The following NF1 variants were observed in gnomAD, a reference collection of about 807,000 sequenced individuals.
NF1 encodes neurofibromin 1, also known as neurofibromin.
In NF1, 122 loss-of-function variants were observed where a neutral mutation model predicts 325.7. That is an observed-to-expected ratio of 0.37 (90% CI 0.32 to 0.44). The LOEUF (loss-of-function observed/expected upper bound fraction) is 0.44. Among genes scored for constraint, NF1 ranks in the 20% least tolerant of loss-of-function variants. NF1 has a pLI of 1.00. For missense variants in NF1, 2,140 were observed against 3,415.4 expected (o/e 0.63, Z 9.31); for synonymous variants, 1,091 against 1,186.0 (o/e 0.92, Z 1.65).
At chr17:31,365,278 C>A (rs1436164888) in intron 57 of NF1, among the ~76,000 whole-genome samples, 32 of 101,062 alleles carry the variant, frequency 3.2e-4, no homozygotes, top group African/African-American at 7.7e-4. Context: ...GAACCTATCT[C>A]AAAAAAAAAA....
At chr17:31,246,125 T>A (rs1163422040) in intron 29 of NF1, among the ~76,000 whole-genome samples, 1 of 152,252 alleles carries the variant, frequency 6.6e-6, no homozygotes, top group Admixed American at 6.5e-5. Context: ...ATACCTGGTC[T>A]ATATGTCTTT....
chr17:31,191,595 G>C (rs576197401), intron 8 of NF1, among the ~76,000 whole-genome samples: 2 of 152,330 alleles, frequency 1.3e-5, no homozygotes, highest in South Asian at 4.1e-4. Flanking sequence ...GCAGATCAGT[G>C]GATGCCAGGA....
chr17:31,202,819 T>C lies in NF1; in HGVS notation c.1260+1334T>C, dbSNP rs189252413. 2.6e-3 allele frequency among the ~76,000 whole-genome samples: 402 copies of C among 152,290 alleles called. 4 individuals carry two copies. Among genetic ancestry groups the C allele is most frequent in the African/African-American group, 9.1e-3 (379 of 41,556 alleles). On this transcript the variant is annotated intron_variant, in intron 11 of 57. Coordinates refer to ENST00000358273, the MANE Select transcript of NF1 (RefSeq NM_001042492.3). ...AAAAACTTAAAAAAAATCACTGTAC[T>C]TTTGTCAGCGTAATGAGCCAGGGCA...
intron 57 of NF1, chr17:31,367,131 CATT>C (rs2070539602): frequency 4.8e-6 from 3 of 631,528 alleles, no homozygotes; most frequent in Non-Finnish European, 7.2e-6. Flanking sequence ...AACCAAGGAA[CATT>C]ATAATTATCT....
At chr17:31,230,957 G>A (rs1448603577) in intron 24 of NF1, 32 bp downstream of exon 24, 1 of 1,520,216 alleles carries the variant, frequency 6.6e-7, no homozygotes, top group Admixed American at 1.7e-5. Flanking sequence ...AGTATTAGTG[G>A]GTTTTACTGT....
At chr17:31,315,396 T>C (rs1477121453) in intron 36 of NF1, among the ~76,000 whole-genome samples, 1 of 152,162 alleles carries the variant, frequency 6.6e-6, no homozygotes, top group Non-Finnish European at 1.5e-5. Context: ...TTAAAATAAC[T>C]AAAAGTGTAA....
chr17:31,110,312 A>G (rs573377630), intron 1 of NF1, among the ~76,000 whole-genome samples: 12 of 152,362 alleles, frequency 7.9e-5, no homozygotes, highest in African/African-American at 2.6e-4. Flanking sequence ...AATTCCAGAA[A>G]TAGAAGAGAT....
In NF1 at chr17:31,376,990, G is replaced by A. The variant is rs1195848804; in HGVS notation, c.*2835G>A. 8.6e-6 allele frequency: 2 copies of A among 233,262 alleles called. No individual in the cohort carries two copies. The highest frequency in any genetic ancestry group is 1.7e-5 in the Non-Finnish European group (2 of 118,098). The allele number at this position is 233,262 out of a possible 1,614,324, so 14.4% of individuals were successfully genotyped here. ...TTCTATCCTGTGTCCTAGTTGGGGAGACAGAGTGCCAGCCAGCAACCCTCC... is the reference window on the plus strand; with the variant it reads ...TTCTATCCTGTGTCCTAGTTGGGGAAACAGAGTGCCAGCCAGCAACCCTCC... On this transcript the variant is annotated 3_prime_UTR_variant, in exon 58 of 58. Transcript: ENST00000358273.
chr17:31,343,409 G>A (rs2069880168), intron 48 of NF1, among the ~76,000 whole-genome samples: 1 of 152,028 alleles, frequency 6.6e-6, no homozygotes, highest in Non-Finnish European at 1.5e-5. Context: ...GCCAGGCATG[G>A]TGGCACGTGC....
rs398100472 is a variant in NF1, at chr17:31,336,596, G to GTT, written c.6148-29_6148-28dup. Reference sequence around the variant, plus strand: ...TTTGTGCTAAAACTTTGAGTCCCATGTTTTTTTTTTTAAAAAAAAAAATCC... The same window carrying GTT: ...TTTGTGCTAAAACTTTGAGTCCCATGTTTTTTTTTTTTTAAAAAAAAAAATCC... On this transcript the variant is annotated intron_variant, in intron 41 of 57. Coordinates refer to ENST00000358273, the MANE Select transcript of NF1 (RefSeq NM_001042492.3). This position sits in a 1 kb window ranked among gnomAD's most constrained non-coding sequence, Gnocchi z 5.5. 6.4e-5 allele frequency: 76 copies of GTT among 1,178,866 alleles called. No individual in the cohort carries two copies. In the African/African-American group the frequency reaches 1.0e-3, roughly 16 times the overall value. 73.0% of individuals were successfully genotyped at this position (1,178,866 alleles called of 1,614,324 possible).
intron 56 of NF1, chr17:31,360,274 C>T (rs2151587228): frequency 1.7e-6 from 1 of 571,740 alleles, no homozygotes; most frequent in East Asian, 3.0e-5. Context: ...TCAGAAAATG[C>T]AGGTTCATCT....
At chr17:31,171,360 C>A (rs1314594171) in intron 5 of NF1, among the ~76,000 whole-genome samples, 1 of 152,154 alleles carries the variant, frequency 6.6e-6, no homozygotes, top group African/African-American at 2.4e-5. Flanking sequence ...AAGCGTTGAG[C>A]AGTTGAGAAA....
rs186483709 is a variant in NF1 at position 31,296,465 on chromosome 17, A to G, written c.4836-29355A>G. On this transcript the variant is annotated intron_variant, in intron 36 of 57. Transcript: ENST00000358273. The stretch of plus-strand genomic sequence containing the variant: ...TGTCGAGTCCTTTTATAATTGTTCC[A>G]GTGATTAAACTAACAAAGCTCCCCT... 62 of 865,708 alleles carry G rather than the reference A, an allele frequency of 7.2e-5. No homozygotes were observed. In the East Asian group the frequency reaches 1.3e-3, roughly 18 times the overall value. 53.6% of individuals were successfully genotyped at this position (865,708 alleles called of 1,614,324 possible).
intron 48 of NF1, among the ~76,000 whole-genome samples, chr17:31,347,900 T>C (rs1312392090): frequency 1.3e-5 from 2 of 151,716 alleles, no homozygotes; most frequent in Non-Finnish European, 2.9e-5. Context: ...AGTGGAAATA[T>C]AGATCAGTCT....
At chr17:31,302,015 C>T (rs2068582976) in intron 36 of NF1, among the ~76,000 whole-genome samples, 1 of 152,130 alleles carries the variant, frequency 6.6e-6, no homozygotes, top group South Asian at 2.1e-4. Flanking sequence ...GTTTGTATCT[C>T]TTCCTGCTGA....
intron 15 of NF1, 69 bp downstream of exon 15, chr17:31,221,998 A>T (rs767159641): frequency 1.3e-6 from 2 of 1,484,612 alleles, no homozygotes; most frequent in Admixed American, 4.2e-5. Flanking sequence ...TGAAATATTA[A>T]CTCTGTAGTA....
intron 2 of NF1, among the ~76,000 whole-genome samples, chr17:31,158,559 C>G (rs1489717387): frequency 6.6e-6 from 1 of 152,102 alleles, no homozygotes; most frequent in Admixed American, 6.6e-5. Flanking sequence ...AAACCATAGT[C>G]TCTTGTTAAT....
chr17:31,152,610 C>T (rs1917025915), intron 1 of NF1, among the ~76,000 whole-genome samples: 1 of 149,420 alleles, frequency 6.7e-6, no homozygotes, highest in African/African-American at 2.5e-5. Context: ...TCTTATGTAT[C>T]TTCTGGTTAG....
At chr17:31,299,907 GT>G (rs2068540403) in intron 36 of NF1, among the ~76,000 whole-genome samples, 1 of 151,780 alleles carries the variant, frequency 6.6e-6, no homozygotes, top group Non-Finnish European at 1.5e-5. Context: ...GATTTAATTT[GT>G]TCTTCTGTCC....
Sources: gnomAD v4.1 joint callset for allele counts (sites outside exome capture counted in the v4.1 genomes callset) on GRCh38, gnomAD v4.1.1 for gene constraint, Gnocchi (gnomAD v3.1) non-coding constraint, MANE v1.5 for transcripts, NCBI Gene and HGNC (gene_info 2026-07-23, HGNC 2026-07-21) for gene names.